The following CTNND2 variants were observed in gnomAD, a reference collection of about 807,000 sequenced individuals.
CTNND2 encodes the protein catenin delta 2, also known as catenin delta-2.
In CTNND2, 22 loss-of-function variants were observed where a neutral mutation model predicts 144.4. The ratio of observed to expected loss-of-function variants is 0.15; its 90% CI spans 0.11 to 0.22. The LOEUF (loss-of-function observed/expected upper bound fraction) is 0.22. CTNND2 is among the 10% of genes least tolerant of loss of function. The pLI is 1.00. For synonymous variants in CTNND2, 751 were observed against 695.6 expected (o/e 1.08, Z -1.25); for missense variants, 1,353 against 1,618.8 (o/e 0.84, Z 2.82).
chr5:11,159,638 C>G lies in CTNND2; in HGVS notation c.2097G>C (p.Gln699His). The change falls in exon 12 of 22, where the codon CAG becomes CAC. Residue 699 changes from glutamine (Q) to histidine (H), a missense_variant. Around this residue, in one of 4 missense-constraint regions of CTNND2, gnomAD observed 117 missense variants for 117.8 expected, o/e 0.99. Transcript: ENST00000304623. Reference sequence around the variant, plus strand: ...AATGCAGCTGTATTTTCCGATCATCCTGAAGAGGCGAATTTTCCCAGCCTG... The same window carrying G: ...AATGCAGCTGTATTTTCCGATCATCGTGAAGAGGCGAATTTTCCCAGCCTG... Reference protein sequence around the residue: ...PHSGWENSPLQDDRKIQLHSS... With the variant: ...PHSGWENSPLHDDRKIQLHSS... 1 of 1,613,660 alleles carries G rather than the reference C, an allele frequency of 6.2e-7. No homozygotes were observed. The highest frequency in any genetic ancestry group is 8.5e-7 in the Non-Finnish European group (1 of 1,179,844).
chr5:11,681,150 C>G (rs879354369), intron 2 of CTNND2, among the ~76,000 whole-genome samples: 2 of 152,158 alleles, frequency 1.3e-5, no homozygotes, highest in Non-Finnish European at 2.9e-5. Flanking sequence ...GAAGAATAAA[C>G]TGGCTAAGAA....
chr5:10,973,627 A>G lies in CTNND2; in HGVS notation c.3504T>C (p.Asp1168=), dbSNP rs753327118. 6.8e-6 allele frequency: 11 copies of G among 1,614,058 alleles called. No homozygotes were observed. Among genetic ancestry groups the G allele is most frequent in the East Asian group, 2.2e-5 (1 of 44,888 alleles). ...GGACCTGGTCCTCGAAGAAGGACTC[A>G]TCGTAATTTCTTGTGGAATTCTGAA... ...QPFQNSTRNY[D]ESFFEDQVHH... Residue 1168 remains aspartate, a synonymous_variant, in exon 22 of 22, where the codon GAT becomes GAC. Transcript: ENST00000304623. This position sits in a 1 kb window ranked among gnomAD's most constrained non-coding sequence, Gnocchi z 5.6.
In CTNND2 at chr5:11,615,788, T is replaced by C. The variant is rs183562006; in HGVS notation, c.175-50732A>G. On this transcript the variant is annotated intron_variant, in intron 2 of 21. Transcript: ENST00000304623. ...GATAAGACCATAGGCATTTATTCTA[T>C]GGCCTGGGACTATGTAGTGGACCAT... Among the ~76,000 whole-genome samples the C allele has an allele frequency of 1.4e-4, 22 of 152,350 alleles. No homozygotes were observed. In the East Asian group the frequency reaches 4.0e-3, roughly 28 times the overall value.
In CTNND2 at chr5:11,379,499, G is replaced by A. The variant is rs140502209; in HGVS notation, c.1177+5166C>T. Among the ~76,000 whole-genome samples, 678 of 152,088 alleles carry A rather than the reference G, an allele frequency of 4.5e-3. 4 individuals are homozygous for A. Among genetic ancestry groups the A allele is most frequent in the African/African-American group, 0.014 (601 of 41,474 alleles). ...TAGAATGGGGGTAAAAATCATGTCT[G>A]CCTCATCAAGTTGCTGGAGACTACA... On this transcript the variant is annotated intron_variant, in intron 7 of 21. Transcript: ENST00000304623.
At chr5:10,984,885 C>T (rs1737739896) in intron 20 of CTNND2, among the ~76,000 whole-genome samples, 1 of 151,798 alleles carries the variant, frequency 6.6e-6, no homozygotes, top group South Asian at 2.1e-4. Flanking sequence ...ACCAGCCTGG[C>T]CAACATGGTT....
At chr5:11,057,045 AT>A (rs771776421) in intron 16 of CTNND2, among the ~76,000 whole-genome samples, 1 of 152,152 alleles carries the variant, frequency 6.6e-6, no homozygotes, top group Non-Finnish European at 1.5e-5. Flanking sequence ...ATCTACCACT[AT>A]CATTGTCCCT....
intron 2 of CTNND2, among the ~76,000 whole-genome samples, chr5:11,681,699 T>C: frequency 6.6e-6 from 1 of 152,344 alleles, no homozygotes; most frequent in Non-Finnish European, 1.5e-5. Context: ...CACAACGTAA[T>C]TCCTACTGAC....
chr5:11,216,230 C>A (rs999551193), intron 10 of CTNND2, among the ~76,000 whole-genome samples: 1 of 152,168 alleles, frequency 6.6e-6, no homozygotes, highest in Non-Finnish European at 1.5e-5. Context: ...GCCCCCCCAC[C>A]GCCACCCTAT....
At chr5:11,474,652 G>C (rs1465725947) in intron 3 of CTNND2, among the ~76,000 whole-genome samples, 1 of 152,172 alleles carries the variant, frequency 6.6e-6, no homozygotes, top group African/African-American at 2.4e-5. Flanking sequence ...GGTTTTCCTT[G>C]AAGCACCATT....
intron 20 of CTNND2, among the ~76,000 whole-genome samples, chr5:10,983,109 T>G (rs1351054291): frequency 6.6e-6 from 1 of 152,120 alleles, no homozygotes; most frequent in Non-Finnish European, 1.5e-5. Flanking sequence ...GCAACCATAA[T>G]TCACAGTAAT....
intron 9 of CTNND2, among the ~76,000 whole-genome samples, chr5:11,314,772 C>A (rs906745925): frequency 6.6e-6 from 1 of 152,158 alleles, no homozygotes; most frequent in Non-Finnish European, 1.5e-5. Context: ...AGCTCTGACT[C>A]CTGGCTCCCA....
intron 12 of CTNND2, among the ~76,000 whole-genome samples, chr5:11,128,842 A>G (rs1359235241): frequency 4.9e-5 from 3 of 61,812 alleles, no homozygotes; most frequent in Non-Finnish European, 8.2e-5. Flanking sequence ...TATATTAAGT[A>G]TATAATATAT....
chr5:11,450,450 T>G (rs771373435), intron 3 of CTNND2, among the ~76,000 whole-genome samples: 1 of 152,196 alleles, frequency 6.6e-6, no homozygotes, highest in Admixed American at 6.5e-5. Context: ...TTGTCAATTA[T>G]CCATGCACCC....
chr5:10,994,586 G>A (rs1027314687), intron 18 of CTNND2, among the ~76,000 whole-genome samples: 4 of 152,208 alleles, frequency 2.6e-5, no homozygotes, highest in Admixed American at 1.3e-4. Flanking sequence ...CGTTGCAGAA[G>A]GACCTGCAGA....
intron 1 of CTNND2, among the ~76,000 whole-genome samples, chr5:11,732,731 A>G (rs1212692946): frequency 6.6e-6 from 1 of 151,986 alleles, no homozygotes; most frequent in Non-Finnish European, 1.5e-5. Context: ...CCCCCGTTAT[A>G]GTCTTGTGAT....
At chr5:11,742,050 G>A (rs1414981327) in intron 1 of CTNND2, among the ~76,000 whole-genome samples, 3 of 151,798 alleles carry the variant, frequency 2.0e-5, no homozygotes, top group Admixed American at 6.6e-5. Context: ...GGACTCGGGG[G>A]GAAAGGGTGG....
intron 2 of CTNND2, among the ~76,000 whole-genome samples, chr5:11,579,093 T>A (rs1581542961): frequency 6.6e-6 from 1 of 152,184 alleles, no homozygotes; most frequent in East Asian, 1.9e-4. Flanking sequence ...CAGATCAACT[T>A]CAAAAGACTG....
chr5:11,026,892 G>T (rs1012007244), intron 16 of CTNND2, among the ~76,000 whole-genome samples: 1 of 152,102 alleles, frequency 6.6e-6, no homozygotes, highest in Non-Finnish European at 1.5e-5. Context: ...CAGGGAAACA[G>T]GATTCAGAGA....
At chr5:11,606,704 T>C (rs947694818) in intron 2 of CTNND2, among the ~76,000 whole-genome samples, 1 of 152,140 alleles carries the variant, frequency 6.6e-6, no homozygotes, top group South Asian at 2.1e-4. Context: ...CATAAACATA[T>C]CAATGATGTT....
Sources: gnomAD v4.1 joint callset for allele counts (sites outside exome capture counted in the v4.1 genomes callset) on GRCh38, gnomAD v4.1.1 for gene constraint, gnomAD v4.1.1 regional missense constraint, Gnocchi (gnomAD v3.1) non-coding constraint, MANE v1.5 for transcripts, NCBI Gene and HGNC (gene_info 2026-07-23, HGNC 2026-07-21) for gene names.